The following TLN1 variants were observed in gnomAD, a reference collection of about 807,000 sequenced individuals.
TLN1 encodes talin 1.
TLN1 carries 56 observed loss-of-function variants against 292.3 expected under a neutral mutation model. That is an observed-to-expected ratio of 0.19 (90% CI 0.15 to 0.24). TLN1 has a LOEUF of 0.24. Among genes scored for constraint, TLN1 ranks in the 10% least tolerant of loss-of-function variants. TLN1 has a pLI of 1.00. For missense variants in TLN1, 2,433 were observed against 3,248.2 expected, an observed-to-expected ratio of 0.75 and a Z score of 6.10; for synonymous variants, 1,119 against 1,253.7, an observed-to-expected ratio of 0.89 and a Z score of 2.27.
In TLN1 at chr9:35,699,071, G is replaced by A. The variant is rs1487993271; in HGVS notation, c.6960C>T (p.Ala2320=). The change falls in exon 52 of 57, where the codon GCC becomes GCT. Residue 2320 remains alanine (A), a synonymous_variant. Transcript: ENST00000314888. This position sits in a 1 kb window ranked among gnomAD's most constrained non-coding sequence, Gnocchi z 4.0. ...GGGGCTTCAGCTGCTCTAGCTTTTT[G>A]GCTGCAGCCTCAATGGCGGCTGCAG... ...LGAAAAIEAA[A]KKLEQLKPRA... 4 of 1,613,890 alleles carry A rather than the reference G, an allele frequency of 2.5e-6. No homozygotes were observed. In the Admixed American group the frequency reaches 6.7e-5, roughly 27 times the overall value.
rs774466919 is a variant in TLN1, at chr9:35,710,786, G to A, written c.4203+11C>T. The A allele has an allele frequency of 6.2e-7, 1 of 1,614,140 alleles. No homozygotes were observed. The highest frequency in any genetic ancestry group is 2.2e-5 in the East Asian group (1 of 44,890). On this transcript the variant is annotated intron_variant, in intron 32 of 56. Transcript: ENST00000314888. Reference sequence around the variant, plus strand: ...CTGCCCTCTCTCCTCCGAGTTCCTGGCTGTGCTGACCTTTGAGTTCTCCAT... The same window carrying A: ...CTGCCCTCTCTCCTCCGAGTTCCTGACTGTGCTGACCTTTGAGTTCTCCAT...
Position 35,698,454 on chromosome 9 carries a change from C to T in TLN1, c.7240G>A (p.Ala2414Thr). ...TNNLCEAANAAVQGHASQEKL... is the reference protein window; with the variant it reads ...TNNLCEAANATVQGHASQEKL... ...TCCTGGCTGGCATGGCCTTGTACAG[C>T]TGCATTGGCTGCCTCACACAGATTG... is the stretch of plus-strand genomic sequence containing the variant. The change falls in exon 55 of 57, where the codon GCT becomes ACT. Residue 2414 changes from alanine (A) to threonine (T), a missense_variant. By Grantham distance (58) the Ala-to-Thr change is moderately conservative. Coordinates refer to ENST00000314888, the MANE Select transcript of TLN1 (RefSeq NM_006289.4). This position sits in a 1 kb window ranked among gnomAD's most constrained non-coding sequence, Gnocchi z 5.3. The T allele has an allele frequency of 6.2e-7, 1 of 1,614,060 alleles. No homozygotes were observed. Among genetic ancestry groups the T allele is most frequent in the Non-Finnish European group, 8.5e-7 (1 of 1,179,986 alleles).
rs1825575117 is a variant in TLN1 at position 35,706,938 on chromosome 9, C to A, written c.4956-38G>T. 2 of 1,611,498 alleles carry A rather than the reference C, an allele frequency of 1.2e-6. No homozygotes were observed. Among genetic ancestry groups the A allele is most frequent in the African/African-American group, 1.3e-5 (1 of 74,906 alleles). On this transcript the variant is annotated intron_variant, in intron 37 of 56. Coordinates refer to ENST00000314888, the MANE Select transcript of TLN1 (RefSeq NM_006289.4). The surrounding 1 kb of genome is among the most constrained non-coding windows in gnomAD (Gnocchi z 4.2). ...CATGGGCTCCAACACCAAGAACATC[C>A]CCTACTGCAAGGCCAGCCTATCCTT...
At chr9:35,711,151 A>G (rs1457370234) in intron 30 of TLN1, 69 bp from the exon 31 acceptor site, 2 of 1,610,296 alleles carry the variant, frequency 1.2e-6, no homozygotes, top group South Asian at 1.1e-5. Flanking sequence ...GTAAGTATTT[A>G]TCTTTTGCCT....
In TLN1 at chr9:35,699,872, G is replaced by C. The variant is rs1825432059; in HGVS notation, c.6768+102C>G. 2 of 1,257,270 alleles carry C rather than the reference G, an allele frequency of 1.6e-6. No individual in the cohort carries two copies. The highest frequency in any genetic ancestry group is 1.5e-5 in the African/African-American group (1 of 66,516). The allele number at this position is 1,257,270 out of a possible 1,614,324, so 77.9% of individuals were successfully genotyped here. A position where few individuals can be genotyped will look rare whatever the true frequency, so the allele number is the denominator to read the frequency against. The stretch of plus-strand genomic sequence containing the variant: ...TTTGGGAAGTAGAGGGTGGGGTAGG[G>C]AGGAGATCTGAGCAAAACAGACAGC... On this transcript the variant is annotated intron_variant, in intron 50 of 56. Transcript: ENST00000314888. This position sits in a 1 kb window ranked among gnomAD's most constrained non-coding sequence, Gnocchi z 4.0.
intron 1 of TLN1, among the ~76,000 whole-genome samples, chr9:35,731,224 T>C (rs571022587): frequency 1.3e-5 from 2 of 152,270 alleles, no homozygotes; most frequent in Admixed American, 6.5e-5. Flanking sequence ...TCTTAAATTT[T>C]ATCTGCTCAA....
chr9:35,717,938 G>T lies in TLN1; in HGVS notation c.1996-152C>A. ...AGAACCTACCCCGAGCTACTGCCCT[G>T]AGCACCCAGCAGGACAGAACCCCCA... On this transcript the variant is annotated intron_variant, in intron 17 of 56. Transcript: ENST00000314888. This position sits in a 1 kb window ranked among gnomAD's most constrained non-coding sequence, Gnocchi z 4.7. 1 of 877,948 alleles carries T rather than the reference G, an allele frequency of 1.1e-6. No homozygotes were observed. Among genetic ancestry groups the T allele is most frequent in the Non-Finnish European group, 1.7e-6 (1 of 590,602 alleles). 54.4% of individuals were successfully genotyped at this position (877,948 alleles called of 1,614,324 possible).
chr9:35,709,685 G>A (rs1471148989), intron 33 of TLN1, among the ~76,000 whole-genome samples: 2 of 149,502 alleles, frequency 1.3e-5, no homozygotes, highest in Non-Finnish European at 3.0e-5. Flanking sequence ...TCAGGAGATC[G>A]AGACCATCCT....
Position 35,703,627 on chromosome 9 carries a change from T to C in TLN1, c.6407A>G (p.Glu2136Gly). 1 of 1,614,198 alleles carries C rather than the reference T, an allele frequency of 6.2e-7. No homozygotes were observed. Among genetic ancestry groups the C allele is most frequent in the Non-Finnish European group, 8.5e-7 (1 of 1,180,032 alleles). ...CCGAGTGCCTTTGGTGGCCTCATCT[T>C]CCACGGCTTTTACTGTCTTAAGCAA... ...TSLLKTVKAV[E>G]DEATKGTRAL... The change falls in exon 48 of 57, where the codon GAA (glutamate) becomes GGA (glycine). Residue 2136 changes from glutamate to glycine, a missense_variant. By Grantham distance (98) the Glu-to-Gly change is moderately conservative (BLOSUM62 -2). Coordinates refer to ENST00000314888, the MANE Select transcript of TLN1 (RefSeq NM_006289.4).
chr9:35,714,604 G>GGCAAGC lies in TLN1; in HGVS notation c.2949_2954dup (p.Ala985_Leu986dup). The GGCAAGC allele has an allele frequency of 6.2e-7, 1 of 1,612,480 alleles. No individual in the cohort carries two copies. The highest frequency in any genetic ancestry group is 8.5e-7 in the Non-Finnish European group (1 of 1,180,028). On this transcript the variant is annotated inframe_insertion, in exon 23 of 57. Coordinates refer to ENST00000314888, the MANE Select transcript of TLN1 (RefSeq NM_006289.4). This position sits in a 1 kb window ranked among gnomAD's most constrained non-coding sequence, Gnocchi z 4.6. ...GGAAGCTCTGGCTGGCAGCAATGAG[G>GGCAAGC]GCAAGCTGAGCGCTGGGGCTGTCAG... is the stretch of plus-strand genomic sequence containing the variant.
Position 35,714,227 on chromosome 9 carries a change from C to A in TLN1, c.3120+12G>T. 6.2e-7 allele frequency: 1 copy of A among 1,601,976 alleles called. No individual in the cohort carries two copies. Among genetic ancestry groups the A allele is most frequent in the Non-Finnish European group, 8.5e-7 (1 of 1,171,408 alleles). On this transcript the variant is annotated intron_variant, in intron 24 of 56. Coordinates refer to ENST00000314888, the MANE Select transcript of TLN1 (RefSeq NM_006289.4). The surrounding 1 kb of genome is among the most constrained non-coding windows in gnomAD (Gnocchi z 4.6). ...CAGCCTCATCTTCCAAAGCCAGAAC[C>A]AGCTTCCATACCTTCTGGGCAGCCG...
chr9:35,723,856 T>C (rs1825920631), intron 7 of TLN1, 96 bp downstream of exon 7: 4 of 1,555,904 alleles, frequency 2.6e-6, no homozygotes, highest in South Asian at 2.4e-5. Flanking sequence ...GAAGAAGAAA[T>C]AGTGGGGGGC....
At position 35,725,338 on chromosome 9, in the gene TLN1, A is replaced by T. The variant is rs1825954764; in HGVS notation, c.131-17T>A. 2 of 1,612,632 alleles carry T rather than the reference A, an allele frequency of 1.2e-6. No individual in the cohort carries two copies. Among genetic ancestry groups the T allele is most frequent in the South Asian group, 1.1e-5 (1 of 91,030 alleles). On this transcript the variant is annotated splice_polypyrimidine_tract_variant and intron_variant, in intron 2 of 56. Transcript: ENST00000314888. ...AGTCGCTGGCTAAAAGAGAGGATGG[A>T]TCACTTTAGGCTTATGAAGACCCCA...
chr9:35,722,430 C>G (rs547286442), intron 8 of TLN1, among the ~76,000 whole-genome samples: 9 of 152,258 alleles, frequency 5.9e-5, no homozygotes, highest in African/African-American at 2.2e-4. Context: ...AAGGAACTTG[C>G]AGACATTCTG....
At chr9:35,722,785 G>T (rs1554663336) in intron 8 of TLN1, 76 bp downstream of exon 8, 1 of 1,459,060 alleles carries the variant, frequency 6.9e-7, no homozygotes, top group Non-Finnish European at 9.6e-7. Context: ...GGAGGAGGCA[G>T]GGGGCCATTT....
At chr9:35,715,359 A>T (rs112531202) in intron 20 of TLN1, among the ~76,000 whole-genome samples, 172 bp from the exon 21 acceptor site, 4 of 152,254 alleles carry the variant, frequency 2.6e-5, no homozygotes, top group African/African-American at 9.6e-5. Context: ...CATGAAGGTC[A>T]ATGGGAAACC....
chr9:35,724,513 C>T lies in TLN1; in HGVS notation c.511+59G>A, dbSNP rs1825934799. 1 of 1,587,646 alleles carries T rather than the reference C, an allele frequency of 6.3e-7. No homozygotes were observed. ...AAACAGTGCCTGGCAGAAGCAGATG[C>T]TGAAGCCCCTTCCCACCCTTCCCAT... is the stretch of plus-strand genomic sequence containing the variant. On this transcript the variant is annotated intron_variant, in intron 5 of 56. Transcript: ENST00000314888. The surrounding 1 kb of genome is among the most constrained non-coding windows in gnomAD (Gnocchi z 4.7).
rs1285792192 is a variant in TLN1, at chr9:35,700,006, C to T, written c.6736G>A (p.Gly2246Ser). The T allele has an allele frequency of 6.2e-7, 1 of 1,613,390 alleles. No homozygotes were observed. Among genetic ancestry groups the T allele is most frequent in the South Asian group, 1.1e-5 (1 of 90,986 alleles). The change falls in exon 50 of 57, where the codon GGC becomes AGC. Residue 2246 changes from glycine to serine, a missense_variant. This residue lies in a region of TLN1 where 1,384 missense variants were observed against 1,699.6 expected (regional missense o/e 0.81). Transcript: ENST00000314888. ...ACATGGTCCAGCAGTTCCAGGTAGCCATTGGCACACTCCCGGCCATAGTGC... is the reference window on the plus strand; with the variant it reads ...ACATGGTCCAGCAGTTCCAGGTAGCTATTGGCACACTCCCGGCCATAGTGC... Reference protein sequence around the residue: ...ALHYGRECANGYLELLDHVLL... With the variant: ...ALHYGRECANSYLELLDHVLL...
Position 35,707,856 on chromosome 9 carries a change from A to G in TLN1, c.4507T>C (p.Ser1503Pro), listed in dbSNP as rs753888778. ...AGGCGACAGCTGTTACACAGTGCAG[A>G]GGTGTGTTTAGCCACAATGGTGGCT... ...SAATIVAKHT[S>P]ALCNSCRLAS... Residue 1503 changes from serine to proline, a missense_variant, in exon 35 of 57, where the codon TCT becomes CCT. By Grantham distance (74) the Ser-to-Pro change is moderately conservative. Around this residue, in one of 7 missense-constraint regions of TLN1, gnomAD observed 1,384 missense variants for 1,699.6 expected, o/e 0.81. Transcript: ENST00000314888. The surrounding 1 kb of genome is among the most constrained non-coding windows in gnomAD (Gnocchi z 5.6). 8 of 1,614,164 alleles carry G rather than the reference A, an allele frequency of 5.0e-6. No individual in the cohort carries two copies. Among genetic ancestry groups the G allele is most frequent in the Non-Finnish European group, 6.8e-6 (8 of 1,180,034 alleles).
Sources: allele counts gnomAD v4.1 joint callset (sites outside exome capture counted in the v4.1 genomes callset), GRCh38; gene constraint gnomAD v4.1.1; regional missense constraint gnomAD v4.1.1; non-coding constraint Gnocchi (gnomAD v3.1); transcripts MANE v1.5; gene names NCBI Gene and HGNC (gene_info 2026-07-23, HGNC 2026-07-21).